MPP7: variants seen among roughly 807,000 people sequenced by gnomAD.
MPP7 encodes the protein MAGUK p55 subfamily member 7.
A neutral mutation model predicts 76.5 loss-of-function variants in MPP7; 60 were observed. That is an observed-to-expected ratio of 0.78 (90% CI 0.64 to 0.97). The LOEUF (loss-of-function observed/expected upper bound fraction) is 0.97. Among genes scored for constraint, MPP7 ranks in the 50% least tolerant of loss-of-function variants. The pLI, the probability that MPP7 is intolerant of heterozygous loss-of-function variation, is 0.00. For synonymous variants in MPP7, 237 were observed against 244.5 expected, an observed-to-expected ratio of 0.97 and a Z score of 0.29; for missense variants, 641 against 694.0, an observed-to-expected ratio of 0.92 and a Z score of 0.86.
intron 16 of MPP7, among the ~76,000 whole-genome samples, chr10:28,055,865 T>C (rs2243655): frequency 0.68 from 103,186 of 152,080 alleles, 36,535 homozygotes; most frequent in East Asian, 0.99. Flanking sequence ...CACATAATAG[T>C]ATACAAAATA....
At chr10:28,171,203 A>G (rs1836669731) in intron 3 of MPP7, among the ~76,000 whole-genome samples, 1 of 152,212 alleles carries the variant, frequency 6.6e-6, no homozygotes, top group Non-Finnish European at 1.5e-5. Flanking sequence ...TACTTTGTGG[A>G]GGCGTTGACA....
rs74127199 is a variant in MPP7 at position 28,092,937 on chromosome 10, A to G, written c.953-3096T>C. 7.8e-3 allele frequency among the ~76,000 whole-genome samples: 1,188 copies of G among 151,514 alleles called. 13 individuals are homozygous for G. Among genetic ancestry groups the G allele is most frequent in the African/African-American group, 0.027 (1,108 of 41,266 alleles). ...AGAAGTAGCCAAGGTCTTTACAACT[A>G]CCCCTTGTGCTTGAGCACAGTGGTT... is the stretch of plus-strand genomic sequence containing the variant. On this transcript the variant is annotated intron_variant, in intron 11 of 16. Coordinates refer to ENST00000683449, the MANE Select transcript of MPP7 (RefSeq NM_001318170.2).
At chr10:28,161,010 GC>G (rs1451194655) in intron 3 of MPP7, among the ~76,000 whole-genome samples, 1 of 152,124 alleles carries the variant, frequency 6.6e-6, no homozygotes, top group African/African-American at 2.4e-5. Flanking sequence ...TGCCTTTCAT[GC>G]TTTTCATGCT....
chr10:28,157,648 T>G (rs980801237), intron 3 of MPP7, among the ~76,000 whole-genome samples: 4 of 152,220 alleles, frequency 2.6e-5, no homozygotes, highest in African/African-American at 9.6e-5. Context: ...GACTTCCATC[T>G]CAAGCCATTC....
chr10:28,176,976 C>T (rs7898188), intron 3 of MPP7, among the ~76,000 whole-genome samples: 135,751 of 149,394 alleles, frequency 0.91, 61,725 homozygotes, highest in South Asian at 0.95. Flanking sequence ...TGTATACATA[C>T]GTAACAAACC....
intron 2 of MPP7, among the ~76,000 whole-genome samples, chr10:28,327,967 T>G (rs1162398955): frequency 2.0e-5 from 3 of 152,226 alleles, no homozygotes; most frequent in African/African-American, 7.2e-5. Flanking sequence ...TTTGTATCTT[T>G]CAGTTGCTGA....
At chr10:28,279,853 C>A (rs1004848892) in intron 1 of MPP7, among the ~76,000 whole-genome samples, 1 of 152,002 alleles carries the variant, frequency 6.6e-6, no homozygotes, top group Non-Finnish European at 1.5e-5. Flanking sequence ...TTAAAATGTT[C>A]CCACCATCAA....
In MPP7 at chr10:28,205,212, G is replaced by A. The variant is rs111949341; in HGVS notation, c.38-2941C>T. On this transcript the variant is annotated intron_variant, in intron 2 of 16. Coordinates refer to ENST00000683449, the MANE Select transcript of MPP7 (RefSeq NM_001318170.2). ...TTAAAGGAGCCACCAGGCCAGAGCC[G>A]TGTGCAGTCTCCATGAAGGTAAATA... Among the ~76,000 whole-genome samples, 737 of 152,256 alleles carry A rather than the reference G, an allele frequency of 4.8e-3. 5 individuals carry two copies. The highest frequency in any genetic ancestry group is 0.016 in the African/African-American group (645 of 41,538).
chr10:28,085,521 A>G (rs188416478), intron 12 of MPP7, among the ~76,000 whole-genome samples: 1 of 152,320 alleles, frequency 6.6e-6, no homozygotes, highest in East Asian at 1.9e-4. Flanking sequence ...AAGAAGTTCA[A>G]ACAGATATTT....
rs779088519 is a variant in MPP7 at position 28,056,461 on chromosome 10, C to G, written c.1551+19G>C. On this transcript the variant is annotated intron_variant, in intron 16 of 16. Transcript: ENST00000683449. ...GGTGTGGGCCACCACACCTGGCCCC[C>G]AAGCATCATTATACTTACTGTGAAG... 6 of 1,603,606 alleles carry G rather than the reference C, an allele frequency of 3.7e-6. No homozygotes were observed. The highest frequency in any genetic ancestry group is 4.2e-6 in the Non-Finnish European group (5 of 1,177,108).
In MPP7 at chr10:28,053,206, T is replaced by C. The variant is rs952165666; in HGVS notation, c.*859A>G. On this transcript the variant is annotated 3_prime_UTR_variant, in exon 17 of 17. Transcript: ENST00000683449. ...ACATGTTTTAGAATAGAAATCCTTC[T>C]TCTAATTTATTGGAAAAATCCAAAA... 2 of 152,202 alleles carry C rather than the reference T, an allele frequency of 1.3e-5. No homozygotes were observed. The highest frequency in any genetic ancestry group is 4.8e-5 in the African/African-American group (2 of 41,460). 9.4% of individuals were successfully genotyped at this position (152,202 alleles called of 1,614,324 possible). A position where few individuals can be genotyped will look rare whatever the true frequency, so the allele number is the denominator to read the frequency against.
upstream of MPP7, among the ~76,000 whole-genome samples, chr10:28,304,049 C>T (rs949747669): frequency 1.3e-5 from 2 of 151,968 alleles, no homozygotes; most frequent in Non-Finnish European, 2.9e-5. Context: ...AATTGGAAAG[C>T]TCAGCTGATG....
intron 2 of MPP7, among the ~76,000 whole-genome samples, chr10:28,309,178 A>C (rs1049504915): frequency 1.3e-5 from 2 of 152,154 alleles, no homozygotes; most frequent in East Asian, 3.9e-4. Context: ...AATGTTAAGA[A>C]GATACTACTC....
chr10:28,234,482 G>T (rs1212224907), intron 2 of MPP7, among the ~76,000 whole-genome samples: 1 of 152,148 alleles, frequency 6.6e-6, no homozygotes. Context: ...TTTTTCCAAA[G>T]ATTACAGTAT....
chr10:28,183,251 G>A (rs1471673962), intron 3 of MPP7, among the ~76,000 whole-genome samples: 1 of 152,154 alleles, frequency 6.6e-6, no homozygotes, highest in Non-Finnish European at 1.5e-5. Context: ...CAGGAGGGAT[G>A]TTCAGACTTC....
intron 2 of MPP7, among the ~76,000 whole-genome samples, chr10:28,312,394 G>A (rs1422997643): frequency 3.3e-5 from 5 of 152,088 alleles, no homozygotes; most frequent in Admixed American, 6.6e-5. Flanking sequence ...GCTACAGAGC[G>A]CTAATTGGTG....
At chr10:28,318,802 G>A (rs1834342423) in intron 2 of MPP7, among the ~76,000 whole-genome samples, 1 of 152,210 alleles carries the variant, frequency 6.6e-6, no homozygotes, top group African/African-American at 2.4e-5. Flanking sequence ...CCTTGCTTAA[G>A]TGAAGCCAAA....
intron 1 of MPP7, among the ~76,000 whole-genome samples, chr10:28,246,681 G>A (rs1189971865): frequency 6.6e-6 from 1 of 152,074 alleles, no homozygotes; most frequent in African/African-American, 2.4e-5. Flanking sequence ...CAGAGGATAG[G>A]GGAAACTGCC....
At chr10:28,186,571 T>G (rs1837244044) in intron 3 of MPP7, among the ~76,000 whole-genome samples, 1 of 152,240 alleles carries the variant, frequency 6.6e-6, no homozygotes, top group African/African-American at 2.4e-5. Context: ...TTCTACAATT[T>G]GCTGTGGGAA....
Sources: allele counts gnomAD v4.1 joint callset (sites outside exome capture counted in the v4.1 genomes callset), GRCh38; gene constraint gnomAD v4.1.1; transcripts MANE v1.5; gene names NCBI Gene and HGNC (gene_info 2026-07-23, HGNC 2026-07-21).